Variants in TMEM178B observed in about 807,000 individuals in gnomAD.
TMEM178B encodes transmembrane protein 178B.
A neutral mutation model predicts 31.0 loss-of-function variants in TMEM178B; 5 were observed. The ratio of observed to expected loss-of-function variants is 0.16; its 90% CI spans 0.08 to 0.34. The LOEUF (loss-of-function observed/expected upper bound fraction) is 0.34. TMEM178B is among the 10% of genes least tolerant of loss of function. The pLI, the probability that TMEM178B is intolerant of heterozygous loss-of-function variation, is 1.00. For synonymous variants in TMEM178B, 164 were observed against 164.0 expected (o/e 1.00, Z 0.00); for missense variants, 275 against 400.3 (o/e 0.69, Z 2.67).
intron 2 of TMEM178B, among the ~76,000 whole-genome samples, chr7:141,417,662 A>C (rs1801124700): frequency 6.6e-6 from 1 of 151,912 alleles, no homozygotes; most frequent in South Asian, 2.1e-4. Context: ...CCTACCCCCC[A>C]CCTAGCAAGC....
At chr7:141,115,525 CT>C (rs1795304994) in intron 1 of TMEM178B, among the ~76,000 whole-genome samples, 1 of 152,264 alleles carries the variant, frequency 6.6e-6, no homozygotes, top group East Asian at 1.9e-4. Flanking sequence ...AGAACTTTCC[CT>C]TAATTTGATG....
At chr7:141,199,574 T>G (rs1220906778) in intron 1 of TMEM178B, among the ~76,000 whole-genome samples, 1 of 152,186 alleles carries the variant, frequency 6.6e-6, no homozygotes, top group Non-Finnish European at 1.5e-5. Context: ...TCCTTTTTCC[T>G]TCCTCTTCTC....
intron 2 of TMEM178B, among the ~76,000 whole-genome samples, chr7:141,340,588 C>T (rs1176591172): frequency 6.6e-6 from 1 of 152,082 alleles, no homozygotes; most frequent in South Asian, 2.1e-4. Context: ...CAGAGGAATC[C>T]GATTGTGGCC....
intron 1 of TMEM178B, among the ~76,000 whole-genome samples, chr7:141,172,601 T>C (rs529866262): frequency 6.6e-6 from 1 of 152,146 alleles, no homozygotes; most frequent in Non-Finnish European, 1.5e-5. Context: ...GAGAAGTAAC[T>C]GACCAGGACT....
chr7:141,395,544 A>T (rs984843332), intron 2 of TMEM178B, among the ~76,000 whole-genome samples: 20 of 152,268 alleles, frequency 1.3e-4, no homozygotes, highest in African/African-American at 4.8e-4. Flanking sequence ...GGAGGAGCAG[A>T]GCTGGTTGGT....
intron 2 of TMEM178B, among the ~76,000 whole-genome samples, chr7:141,328,852 C>T (rs573774060): frequency 6.6e-6 from 1 of 152,196 alleles, no homozygotes; most frequent in Non-Finnish European, 1.5e-5. Flanking sequence ...ATCAGCTATA[C>T]TTCCAGCTCC....
intron 3 of TMEM178B, among the ~76,000 whole-genome samples, chr7:141,444,287 C>T (rs1801713361): frequency 6.6e-6 from 1 of 152,098 alleles, no homozygotes; most frequent in South Asian, 2.1e-4. Context: ...GATACCTTCC[C>T]TAAGGTATCA....
At chr7:141,387,282 C>G (rs1028308820) in intron 2 of TMEM178B, among the ~76,000 whole-genome samples, 3 of 152,178 alleles carry the variant, frequency 2.0e-5, no homozygotes, top group Admixed American at 2.0e-4. Context: ...AGGCTAAACA[C>G]TTTACATGCA....
intron 2 of TMEM178B, among the ~76,000 whole-genome samples, chr7:141,281,656 C>T (rs1798361950): frequency 6.6e-6 from 1 of 152,128 alleles, no homozygotes; most frequent in African/African-American, 2.4e-5. Context: ...ACAGAGACCT[C>T]TTTCTGGGGA....
intron 2 of TMEM178B, among the ~76,000 whole-genome samples, chr7:141,409,122 G>C (rs1391897627): frequency 6.6e-6 from 1 of 152,216 alleles, no homozygotes; most frequent in East Asian, 1.9e-4. Context: ...GGAATAGCAA[G>C]ATCAGGTGTG....
At chr7:141,251,790 T>A (rs1797837998) in intron 2 of TMEM178B, among the ~76,000 whole-genome samples, 1 of 152,158 alleles carries the variant, frequency 6.6e-6, no homozygotes, top group South Asian at 2.1e-4. Context: ...TTAGTAGACT[T>A]GGCCTTAAAA....
At chr7:141,218,659 A>C (rs1384917204) in intron 2 of TMEM178B, among the ~76,000 whole-genome samples, 3 of 151,864 alleles carry the variant, frequency 2.0e-5, no homozygotes, top group African/African-American at 7.3e-5. Context: ...GGCCCCCCAC[A>C]CCTGGACTCT....
chr7:141,309,681 C>T (rs1278784418), intron 2 of TMEM178B, among the ~76,000 whole-genome samples: 1 of 152,158 alleles, frequency 6.6e-6, no homozygotes, highest in East Asian at 1.9e-4. Context: ...AATTACCTAT[C>T]CGTGTCTTGT....
At position 141,477,718 on chromosome 7, in the gene TMEM178B, T is replaced by C. The variant is rs1453821810; in HGVS notation, c.*6932T>C. ...GCTCTGGGGGTGCGCAGTCCCCTTG[T>C]GTATTTTGCTGCTATTTCTAGAGAG... On this transcript the variant is annotated 3_prime_UTR_variant, in exon 4 of 4. Transcript: ENST00000565468. 1.3e-5 allele frequency: 2 copies of C among 152,112 alleles called. No individual in the cohort carries two copies. Among genetic ancestry groups the C allele is most frequent in the South Asian group, 2.1e-4 (1 of 4,810 alleles). The allele number at this position is 152,112 out of a possible 1,614,324, so 9.4% of individuals were successfully genotyped here.
At chr7:141,313,682 C>T (rs1201123406) in intron 2 of TMEM178B, among the ~76,000 whole-genome samples, 1 of 152,096 alleles carries the variant, frequency 6.6e-6, no homozygotes, top group African/African-American at 2.4e-5. Flanking sequence ...CTGCCCTTTG[C>T]AGAGACTTTG....
chr7:141,351,055 G>C (rs1180856880), intron 2 of TMEM178B, among the ~76,000 whole-genome samples: 2 of 152,216 alleles, frequency 1.3e-5, no homozygotes, highest in East Asian at 3.8e-4. Flanking sequence ...AGCAGGAAGT[G>C]ATGTTAGCAG....
At chr7:141,375,264 G>A (rs1012828018) in intron 2 of TMEM178B, among the ~76,000 whole-genome samples, 2 of 152,152 alleles carry the variant, frequency 1.3e-5, no homozygotes, top group Admixed American at 1.3e-4. Context: ...ACAATGGAAA[G>A]GTTTCAGTGT....
chr7:141,133,082 A>G (rs1407902623), intron 1 of TMEM178B, among the ~76,000 whole-genome samples: 1 of 152,134 alleles, frequency 6.6e-6, no homozygotes, highest in Non-Finnish European at 1.5e-5. Flanking sequence ...TCTATAGAAA[A>G]AGTCTTTCCC....
intron 2 of TMEM178B, among the ~76,000 whole-genome samples, chr7:141,283,409 T>C (rs1462748957): frequency 2.0e-5 from 3 of 152,190 alleles, no homozygotes; most frequent in African/African-American, 7.2e-5. Context: ...ACCAGAGGAA[T>C]ATGGGAGTCC....
Sources: gnomAD v4.1 joint callset for allele counts (sites outside exome capture counted in the v4.1 genomes callset) on GRCh38, gnomAD v4.1.1 for gene constraint, MANE v1.5 for transcripts, NCBI Gene and HGNC (gene_info 2026-07-23, HGNC 2026-07-21) for gene names.